The following OR2AJ1 variants were observed in gnomAD, a reference collection of about 807,000 sequenced individuals.
OR2AJ1 encodes the protein olfactory receptor 2AJ1.
For missense variants in OR2AJ1, 280 were observed against 163.2 expected, an observed-to-expected ratio of 1.72 and a Z score of -3.90; for synonymous variants, 105 against 60.3, an observed-to-expected ratio of 1.74 and a Z score of -3.44.
At position 247,934,947 on chromosome 1, in the gene OR2AJ1, G is replaced by C. The variant is rs1272750707; in HGVS notation, c.*192G>C. On this transcript the variant is annotated 3_prime_UTR_variant, in exon 2 of 2. Coordinates refer to ENST00000318244, the MANE Select transcript of OR2AJ1 (RefSeq NM_001355235.2). ...AATTATAATCATGCAACAGTTACAG[G>C]AAGTAGAAGTTACCCAAGGCGTCCT... 1.0e-5 allele frequency: 5 copies of C among 495,864 alleles called. No individual in the cohort carries two copies. The highest frequency in any genetic ancestry group is 1.8e-5 in the Non-Finnish European group (5 of 284,128). The allele number at this position is 495,864 out of a possible 1,614,324, so 30.7% of individuals were successfully genotyped here.
At chr1:247,926,559 A>T (rs1005612309) in intron 1 of OR2AJ1, among the ~76,000 whole-genome samples, 1 of 152,160 alleles carries the variant, frequency 6.6e-6, no homozygotes, top group African/African-American at 2.4e-5. Flanking sequence ...CTCTAGGGGA[A>T]ATTGGAGATT....
At chr1:247,932,141 C>T (rs1288248648) in intron 1 of OR2AJ1, among the ~76,000 whole-genome samples, 2 of 152,206 alleles carry the variant, frequency 1.3e-5, no homozygotes, top group African/African-American at 4.8e-5. Context: ...GAGTTCGAGA[C>T]CAGCCTGACC....
chr1:247,930,636 G>C (rs931942287), intron 1 of OR2AJ1, among the ~76,000 whole-genome samples: 5 of 152,098 alleles, frequency 3.3e-5, no homozygotes, highest in African/African-American at 1.2e-4. Flanking sequence ...AAACAATTTG[G>C]CTACATGTAC....
intron 1 of OR2AJ1, among the ~76,000 whole-genome samples, chr1:247,932,747 G>A (rs1359236745): frequency 6.6e-6 from 1 of 152,064 alleles, no homozygotes; most frequent in African/African-American, 2.4e-5. Flanking sequence ...ATATGTGAAA[G>A]TATATATGTA....
chr1:247,931,629 T>C (rs1395277335), intron 1 of OR2AJ1, among the ~76,000 whole-genome samples: 3 of 152,200 alleles, frequency 2.0e-5, no homozygotes, highest in Non-Finnish European at 4.4e-5. Context: ...GCGTAGATGA[T>C]ATGAACTCTA....
At chr1:247,932,510 C>T (rs1479480168) in intron 1 of OR2AJ1, among the ~76,000 whole-genome samples, 1 of 152,136 alleles carries the variant, frequency 6.6e-6, no homozygotes, top group African/African-American at 2.4e-5. Context: ...TATGAAGAAT[C>T]TCAATATTCA....
Position 247,933,747 on chromosome 1 carries a change from G to T in OR2AJ1, c.-22G>T. ...TTATTAATTCATTATTTCTTTTTAG[G>T]TTAAAAAATAGAGAATTCATGATGG... On this transcript the variant is annotated splice_region_variant and 5_prime_UTR_variant, in exon 2 of 2. Transcript: ENST00000318244. 9.0e-6 allele frequency: 5 copies of T among 557,724 alleles called. No homozygotes were observed. Among genetic ancestry groups the T allele is most frequent in the South Asian group, 5.5e-5 (2 of 36,214 alleles). 34.5% of individuals were successfully genotyped at this position (557,724 alleles called of 1,614,324 possible).
intron 1 of OR2AJ1, among the ~76,000 whole-genome samples, chr1:247,931,115 T>G (rs1212803720): frequency 3.3e-5 from 5 of 152,292 alleles, no homozygotes; most frequent in African/African-American, 1.2e-4. Flanking sequence ...CTGAAAAACT[T>G]AAGACAAAAT....
At chr1:247,931,311 C>T (rs1334614266) in intron 1 of OR2AJ1, among the ~76,000 whole-genome samples, 2 of 152,194 alleles carry the variant, frequency 1.3e-5, no homozygotes, top group African/African-American at 2.4e-5. Flanking sequence ...ATAGGTGACA[C>T]GTATTTTCTC....
Position 247,933,899 on chromosome 1 carries a change from T to C in OR2AJ1, c.131T>C (p.Leu44Pro), listed in dbSNP as rs117976142. Residue 44 changes from leucine (L) to proline (P), a missense_variant, in exon 2 of 2, where the codon CTC becomes CCC. By Grantham distance (98) the Leu-to-Pro change is moderately conservative. Coordinates refer to ENST00000318244, the MANE Select transcript of OR2AJ1 (RefSeq NM_001355235.2). ...ATTATGAGTGTAACAGAAAATACGC[T>C]CATGATCCTCCTCATTCGCAGTGAC... ...IFIMSVTENT[L>P]MILLIRSDSR... 1.2e-3 allele frequency: 837 copies of C among 716,700 alleles called. 5 individuals are homozygous for C. The East Asian group carries it at 0.02, about 17-fold the overall frequency. The allele number at this position is 716,700 out of a possible 1,614,324, so 44.4% of individuals were successfully genotyped here. A position where few individuals can be genotyped will look rare whatever the true frequency, so the allele number is the denominator to read the frequency against.
chr1:247,933,618 A>G (rs1005365528), intron 1 of OR2AJ1, 129 bp from the exon 2 acceptor site: 16 of 465,562 alleles, frequency 3.4e-5, no homozygotes, highest in African/African-American at 1.6e-4. Context: ...AAAACTGGCT[A>G]AGAGTATTTT....
chr1:247,927,619 T>C (rs748286008), intron 1 of OR2AJ1, among the ~76,000 whole-genome samples: 1 of 152,102 alleles, frequency 6.6e-6, no homozygotes, highest in East Asian at 1.9e-4. Flanking sequence ...CTAGAACTTA[T>C]TCTTCCAACA....
chr1:247,928,833 G>A (rs543509909), intron 1 of OR2AJ1, among the ~76,000 whole-genome samples: 12 of 152,240 alleles, frequency 7.9e-5, no homozygotes, highest in African/African-American at 2.2e-4. Context: ...GGTGCCTCAC[G>A]CCTGTAATCC....
Position 247,934,997 on chromosome 1 carries a change from A to G in OR2AJ1, c.*242A>G. 5.5e-6 allele frequency: 2 copies of G among 361,384 alleles called. No individual in the cohort carries two copies. The highest frequency in any genetic ancestry group is 4.3e-5 in the Admixed American group (1 of 23,036). The allele number at this position is 361,384 out of a possible 1,614,324, so 22.4% of individuals were successfully genotyped here. A position where few individuals can be genotyped will look rare whatever the true frequency, so the allele number is the denominator to read the frequency against. ...TATTCCCTAACACCAAAATTGTAAGACTTATGAGAATATCCCTAAAAATAC... is the reference window on the plus strand; with the variant it reads ...TATTCCCTAACACCAAAATTGTAAGGCTTATGAGAATATCCCTAAAAATAC... On this transcript the variant is annotated 3_prime_UTR_variant, in exon 2 of 2. Transcript: ENST00000318244.
chr1:247,934,579 G>T lies in OR2AJ1; in HGVS notation c.811G>T (p.Asp271Tyr), dbSNP rs1386669168. Residue 271 changes from aspartate to tyrosine, a missense_variant, in exon 2 of 2, where the codon GAT (aspartate) becomes TAT (tyrosine). Physicochemically the swap from Asp to Tyr is radical, Grantham distance 160. Coordinates refer to ENST00000318244, the MANE Select transcript of OR2AJ1 (RefSeq NM_001355235.2). Reference protein sequence around the residue: ...RPKSYHTPGQDKFLAIFYTIL... With the variant: ...RPKSYHTPGQYKFLAIFYTIL... ...TAAATCATACCACACTCCAGGCCAG[G>T]ATAAGTTCCTGGCAATATTCTATAC... is the stretch of plus-strand genomic sequence containing the variant. The T allele has an allele frequency of 7.0e-6, 5 of 717,678 alleles. No homozygotes were observed. Among genetic ancestry groups the T allele is most frequent in the African/African-American group, 3.5e-5 (2 of 57,228 alleles). The allele number at this position is 717,678 out of a possible 1,614,324, so 44.5% of individuals were successfully genotyped here.
chr1:247,927,091 C>T (rs900954505), intron 1 of OR2AJ1, among the ~76,000 whole-genome samples: 9 of 152,184 alleles, frequency 5.9e-5, no homozygotes, highest in Non-Finnish European at 7.4e-5. Flanking sequence ...CTTATTTTCT[C>T]ATCTCTGCTA....
chr1:247,926,568 T>C (rs1331783800), intron 1 of OR2AJ1, among the ~76,000 whole-genome samples: 2 of 152,244 alleles, frequency 1.3e-5, no homozygotes, highest in Non-Finnish European at 2.9e-5. Flanking sequence ...AAATTGGAGA[T>C]TGTACATTGA....
intron 1 of OR2AJ1, among the ~76,000 whole-genome samples, chr1:247,926,535 A>T (rs1258504980): frequency 6.6e-6 from 1 of 152,162 alleles, no homozygotes; most frequent in Non-Finnish European, 1.5e-5. Flanking sequence ...GCATAATGCT[A>T]TTGCTTTTTT....
At chr1:247,925,829 C>T (rs146745650) in intron 1 of OR2AJ1, among the ~76,000 whole-genome samples, 159 of 152,192 alleles carry the variant, frequency 1.0e-3, no homozygotes, top group African/African-American at 3.6e-3. Context: ...TTGAAGATTC[C>T]GCCAATATAA....
Sources: gnomAD v4.1 joint callset for allele counts (sites outside exome capture counted in the v4.1 genomes callset) on GRCh38, gnomAD v4.1.1 for gene constraint, MANE v1.5 for transcripts, NCBI Gene and HGNC (gene_info 2026-07-23, HGNC 2026-07-21) for gene names.